SAXO4: variants seen among roughly 807,000 people sequenced by gnomAD.
SAXO4 encodes the protein protein phosphatase 1 regulatory subunit 32.
the SAXO4 span, chr11:61,484,868 C>G: frequency 1.3e-6 from 2 of 1,517,302 alleles, no homozygotes; most frequent in African/African-American, 2.8e-5. Flanking sequence ...GGGCCACACC[C>G]GCCTCTTCCT....
At chr11:61,486,066 C>T in the SAXO4 span, among the ~76,000 whole-genome samples, 1 of 152,198 alleles carries the variant, frequency 6.6e-6, no homozygotes, top group Non-Finnish European at 1.5e-5. Flanking sequence ...GTCCAAGTCC[C>T]CCATTTATAG....
the SAXO4 span, chr11:61,484,793 C>A: frequency 6.2e-7 from 1 of 1,604,488 alleles, no homozygotes; most frequent in Non-Finnish European, 8.5e-7. Flanking sequence ...CCAGGACCCG[C>A]TGGAGCGGGA....
the SAXO4 span, among the ~76,000 whole-genome samples, chr11:61,482,082 C>T: frequency 6.6e-6 from 1 of 152,196 alleles, no homozygotes; most frequent in African/African-American, 2.4e-5. Context: ...GGTTCTGTCC[C>T]TGCAATTCTG....
the SAXO4 span, chr11:61,481,707 G>GT: frequency 1.7e-6 from 1 of 587,690 alleles, no homozygotes; most frequent in African/African-American, 2.0e-5. Flanking sequence ...GTGGGTGGTG[G>GT]GGGGCAGATC....
At chr11:61,482,760 C>T in the SAXO4 span, 1 of 1,613,658 alleles carries the variant, frequency 6.2e-7, no homozygotes, top group Non-Finnish European at 8.5e-7. Flanking sequence ...GCCAGACCAG[C>T]TCAGGCTATG....
chr11:61,482,801 C>A, the SAXO4 span: 1 of 1,608,126 alleles, frequency 6.2e-7, no homozygotes, highest in African/African-American at 1.3e-5. Flanking sequence ...GGTCCCCCCA[C>A]CAAGGAGGTC....
chr11:61,488,819 A>G, the SAXO4 span: 1 of 152,466 alleles, frequency 6.6e-6, no homozygotes, highest in Admixed American at 6.5e-5. Context: ...CTCCTGCCCT[A>G]CGGAGCTCAG....
chr11:61,488,745 A>C, the SAXO4 span: 1 of 153,380 alleles, frequency 6.5e-6, no homozygotes, highest in Non-Finnish European at 1.5e-5. Flanking sequence ...TTCATGGAAT[A>C]GACTTTAACT....
the SAXO4 span, chr11:61,485,200 A>G: frequency 1.4e-6 from 1 of 690,282 alleles, no homozygotes; most frequent in Non-Finnish European, 2.5e-6. Flanking sequence ...CCCCACAGAG[A>G]CTTGTGTCCA....
At chr11:61,486,632 C>G in the SAXO4 span, 1 of 1,607,294 alleles carries the variant, frequency 6.2e-7, no homozygotes, top group East Asian at 2.2e-5. Flanking sequence ...TGGCGTCTTG[C>G]TCAGAGAAGG....
the SAXO4 span, chr11:61,489,664 G>A: frequency 9.4e-7 from 1 of 1,063,442 alleles, no homozygotes; most frequent in Non-Finnish European, 1.4e-6. Flanking sequence ...GCTAGACGAG[G>A]ACAGCATGAG....
the SAXO4 span, chr11:61,482,302 C>A: frequency 5.1e-5 from 83 of 1,613,344 alleles, no homozygotes; most frequent in Non-Finnish European, 6.5e-5. Context: ...CCCGTTACCC[C>A]TCTGGCAGGT....
At chr11:61,485,220 A>G in the SAXO4 span, 5 of 835,818 alleles carry the variant, frequency 6.0e-6, no homozygotes, top group Non-Finnish European at 9.7e-6. Context: ...AGGGTGCTGT[A>G]CTGGCCCACA....
chr11:61,490,031 T>G, the SAXO4 span: 1 of 1,361,726 alleles, frequency 7.3e-7, no homozygotes, highest in Non-Finnish European at 1.0e-6. Flanking sequence ...CCTCTCTTGC[T>G]GTCAGTCCGG....
At chr11:61,489,598 G>A in the SAXO4 span, 1 of 637,606 alleles carries the variant, frequency 1.6e-6, no homozygotes, top group Non-Finnish European at 2.8e-6. Context: ...GTCAGGTGGA[G>A]GGGAGGGCAG....
chr11:61,484,065 C>T, the SAXO4 span, among the ~76,000 whole-genome samples: 1 of 151,832 alleles, frequency 6.6e-6, no homozygotes, highest in African/African-American at 2.4e-5. Flanking sequence ...GGTGAAACCC[C>T]ATCTCTACCA....
chr11:61,489,771 C>G, the SAXO4 span: 1 of 1,614,010 alleles, frequency 6.2e-7, no homozygotes, highest in South Asian at 1.1e-5. Context: ...AGGACCCCTC[C>G]TCTCCTCCAG....
chr11:61,484,652 G>GC, the SAXO4 span: 1 of 1,609,698 alleles, frequency 6.2e-7, no homozygotes, highest in South Asian at 1.1e-5. Flanking sequence ...AGTGACTGCC[G>GC]CCCCCTCACT....
chr11:61,482,355 G>A, the SAXO4 span: 7 of 1,614,166 alleles, frequency 4.3e-6, no homozygotes, highest in Non-Finnish European at 5.9e-6. Flanking sequence ...CGTAGGCACC[G>A]GCTACAAATC....
Sources: gnomAD v4.1 joint callset for allele counts (sites outside exome capture counted in the v4.1 genomes callset) on GRCh38, gnomAD v4.1.1 for gene constraint, MANE v1.5 for transcripts, NCBI Gene and HGNC (gene_info 2026-07-23, HGNC 2026-07-21) for gene names.